Variants in EIF4G2 observed in about 807,000 individuals in gnomAD.
The protein encoded by EIF4G2 is eukaryotic translation initiation factor 4 gamma 2.
A neutral mutation model predicts 117.7 loss-of-function variants in EIF4G2; 8 were observed. The observed-to-expected ratio is 0.07, with a 90% confidence interval of 0.04 to 0.12. The LOEUF is 0.12. Among genes scored for constraint, EIF4G2 ranks in the 10% least tolerant of loss-of-function variants. EIF4G2 has a pLI of 1.00. For missense variants in EIF4G2, 812 were observed against 1,086.2 expected, an observed-to-expected ratio of 0.75 and a Z score of 3.55; for synonymous variants, 413 against 367.8, an observed-to-expected ratio of 1.12 and a Z score of -1.41.
chr11:10,801,388 T>G, intron 14 of EIF4G2: 1 of 630,662 alleles, frequency 1.6e-6, no homozygotes, highest in East Asian at 2.9e-5. Context: ...GTTTTATCCT[T>G]AGTTAAATCA....
chr11:10,802,815 C>A lies in EIF4G2; in HGVS notation c.996+215G>T, dbSNP rs12362434. On this transcript the variant is annotated intron_variant, in intron 11 of 21. Transcript: ENST00000339995. ...CTGGGAGGCAGAGGCTGCAGTGAAT[C>A]GAGAATGCGCCACTGCACTCCAGCC... Among the ~76,000 whole-genome samples, 1,177 of 152,242 alleles carry A rather than the reference C, an allele frequency of 7.7e-3. 9 individuals are homozygous for A. The highest frequency in any genetic ancestry group is 0.011 in the Non-Finnish European group (722 of 68,022).
At chr11:10,804,450 T>C (rs1847504245) in intron 5 of EIF4G2, 32 bp from the exon 6 acceptor site, 1 of 1,547,480 alleles carries the variant, frequency 6.5e-7, no homozygotes, top group Non-Finnish European at 8.7e-7. Context: ...AAACTAAATA[T>C]GAAAACTTCT....
Position 10,803,762 on chromosome 11 carries a change from C to G in EIF4G2, c.702+137G>C. ...TAACTCTACTTTGTCAAACACACCA[C>G]GTATTTCAAATTATTCTGTTTAGTA... On this transcript the variant is annotated intron_variant, in intron 8 of 21. Transcript: ENST00000339995. This position sits in a 1 kb window ranked among gnomAD's most constrained non-coding sequence, Gnocchi z 4.0. The G allele has an allele frequency of 8.1e-7, 1 of 1,235,848 alleles. No homozygotes were observed. Among genetic ancestry groups the G allele is most frequent in the Non-Finnish European group, 1.1e-6 (1 of 883,336 alleles). The allele number at this position is 1,235,848 out of a possible 1,614,324, so 76.6% of individuals were successfully genotyped here.
intron 18 of EIF4G2, 100 bp downstream of exon 18, chr11:10,799,990 G>C: frequency 7.5e-7 from 1 of 1,338,142 alleles, no homozygotes; most frequent in Non-Finnish European, 1.0e-6. Context: ...ATCTGAGCAG[G>C]ACAATCAGAC....
At chr11:10,799,160 G>A (rs1024803876) in intron 20 of EIF4G2, 47 bp from the exon 21 acceptor site, 1 of 1,596,946 alleles carries the variant, frequency 6.3e-7, no homozygotes, top group Non-Finnish European at 8.5e-7. Context: ...CCATTATTTA[G>A]TGTTCTGTTT....
In EIF4G2 at chr11:10,800,453, G is replaced by A. The variant is rs1453765923; in HGVS notation, c.1839C>T (p.Ala613=). The A allele has an allele frequency of 6.8e-6, 11 of 1,614,016 alleles. No homozygotes were observed. The highest frequency in any genetic ancestry group is 1.6e-4 in the Middle Eastern group (1 of 6,084). ...CTACCTGCATGAAGTTGTCACTTGT[G>A]GCTATCCCTTCCTGTTTGAGTAAAC... Residue 613 remains alanine, a synonymous_variant, in exon 17 of 22, where the codon GCC becomes GCT. Transcript: ENST00000339995.
At chr11:10,802,972 C>T (rs1847470652) in intron 11 of EIF4G2, 58 bp downstream of exon 11, 1 of 1,502,728 alleles carries the variant, frequency 6.7e-7, no homozygotes, top group South Asian at 1.2e-5. Context: ...AGGAGGAAAC[C>T]CATTCTATTC....
At chr11:10,806,974 T>C (rs1847593098) in intron 2 of EIF4G2, 89 bp from the exon 3 acceptor site, 6 of 1,479,042 alleles carry the variant, frequency 4.1e-6, no homozygotes, top group Non-Finnish European at 5.6e-6. Flanking sequence ...GCTTTGCTTG[T>C]AGAGATGGGG....
intron 1 of EIF4G2, chr11:10,807,754 G>C (rs1847626259): frequency 1.0e-6 from 1 of 991,158 alleles, no homozygotes; most frequent in Non-Finnish European, 1.2e-6. Context: ...CCTTGACGAG[G>C]CCAGCGACTA....
At position 10,801,021 on chromosome 11, in the gene EIF4G2, T is replaced by C. The variant is rs1256791795; in HGVS notation, c.1480A>G (p.Ile494Val). 14 of 1,614,210 alleles carry C rather than the reference T, an allele frequency of 8.7e-6. No individual in the cohort carries two copies. The highest frequency in any genetic ancestry group is 1.6e-4 in the Middle Eastern group (1 of 6,062). Reference sequence around the variant, plus strand: ...TGTGCACTAGGAGGAATCATAGTTATCTGGGGCTGAAGCTTTGGCACTTGA... The same window carrying C: ...TGTGCACTAGGAGGAATCATAGTTACCTGGGGCTGAAGCTTTGGCACTTGA... Residue 494 changes from isoleucine to valine, a missense_variant, in exon 15 of 22, where the codon ATA becomes GTA. Transcript: ENST00000339995.
At chr11:10,801,597 AT>A (rs1260323741) in intron 14 of EIF4G2, 63 bp downstream of exon 14, 1 of 1,425,544 alleles carries the variant, frequency 7.0e-7, no homozygotes, top group South Asian at 1.2e-5. Context: ...TCTTTTTATA[AT>A]CATCGGGCAA....
intron 21 of EIF4G2, among the ~76,000 whole-genome samples, chr11:10,798,314 CAAG>C (rs1421644382): frequency 1.3e-5 from 2 of 151,752 alleles, no homozygotes; most frequent in African/African-American, 2.4e-5. Flanking sequence ...CCTAGGGCTA[CAAG>C]TTCATTCAAT....
chr11:10,802,461 T>G, intron 11 of EIF4G2, 26 bp from the exon 12 acceptor site: 3 of 1,535,630 alleles, frequency 2.0e-6, no homozygotes, highest in South Asian at 2.5e-5. Context: ...GAATATGCAC[T>G]TTTTGTCTCT....
At chr11:10,805,499 G>A (rs774517576) in intron 4 of EIF4G2, among the ~76,000 whole-genome samples, 1 of 151,724 alleles carries the variant, frequency 6.6e-6, no homozygotes, top group African/African-American at 2.4e-5. Context: ...CACCCAGGCT[G>A]GAGTGCAGTG....
intron 21 of EIF4G2, 67 bp downstream of exon 21, chr11:10,798,925 C>T: frequency 1.3e-6 from 2 of 1,547,044 alleles, no homozygotes; most frequent in Non-Finnish European, 1.7e-6. Flanking sequence ...TTGAAAAAGG[C>T]TCTTAACTTG....
chr11:10,800,156 G>T lies in EIF4G2; in HGVS notation c.2053C>A (p.Gln685Lys). 1 of 1,614,148 alleles carries T rather than the reference G, an allele frequency of 6.2e-7. No homozygotes were observed. The highest frequency in any genetic ancestry group is 1.3e-5 in the African/African-American group (1 of 75,046). Residue 685 changes from glutamine (Q) to lysine (K), a missense_variant, in exon 18 of 22, where the codon CAA becomes AAA. Physicochemically the swap from Gln to Lys is moderately conservative, Grantham distance 53. Coordinates refer to ENST00000339995, the MANE Select transcript of EIF4G2 (RefSeq NM_001418.4). ...AGTTCTGTTAACCATTCTCGATCTT[G>T]TAATTTAGCTAACTGCTGAAGACAA...
chr11:10,806,896 G>T lies in EIF4G2; in HGVS notation c.42-11C>A. Reference sequence around the variant, plus strand: ...CCGCCCGAAGAAGCACTATTTAAAAGAAAAAAATTGTTTACTGTATCCCAA... The same window carrying T: ...CCGCCCGAAGAAGCACTATTTAAAATAAAAAAATTGTTTACTGTATCCCAA... On this transcript the variant is annotated splice_polypyrimidine_tract_variant and intron_variant, in intron 2 of 21. Transcript: ENST00000339995. 12 of 1,613,162 alleles carry T rather than the reference G, an allele frequency of 7.4e-6. No individual in the cohort carries two copies. The highest frequency in any genetic ancestry group is 9.3e-6 in the Non-Finnish European group (11 of 1,179,842).
At chr11:10,798,898 C>T (rs930996041) in intron 21 of EIF4G2, 94 bp downstream of exon 21, 1 of 1,449,530 alleles carries the variant, frequency 6.9e-7, no homozygotes, top group African/African-American at 1.4e-5. Flanking sequence ...ACTAGGACTA[C>T]CTTGCCTGTA....
rs1847285675 is a variant in EIF4G2, at chr11:10,797,175, C to T, written c.*641G>A. The T allele has an allele frequency of 6.6e-6, 1 of 152,604 alleles. No homozygotes were observed. The highest frequency in any genetic ancestry group is 2.4e-5 in the African/African-American group (1 of 41,424). 9.5% of individuals were successfully genotyped at this position (152,604 alleles called of 1,614,324 possible). ...TAGGAGGGACCAATTCAAATTCTCA[C>T]CATTTGTTTCACACCCACAAAAACC... On this transcript the variant is annotated 3_prime_UTR_variant, in exon 22 of 22. Coordinates refer to ENST00000339995, the MANE Select transcript of EIF4G2 (RefSeq NM_001418.4). The surrounding 1 kb of genome is among the most constrained non-coding windows in gnomAD (Gnocchi z 4.5).
Sources: allele counts gnomAD v4.1 joint callset (sites outside exome capture counted in the v4.1 genomes callset), GRCh38; gene constraint gnomAD v4.1.1; non-coding constraint Gnocchi (gnomAD v3.1); transcripts MANE v1.5; gene names NCBI Gene and HGNC (gene_info 2026-07-23, HGNC 2026-07-21).